The following ZNF236 variants were observed in gnomAD, a reference collection of about 807,000 sequenced individuals.
ZNF236 encodes zinc finger protein 236.
ZNF236 carries 50 observed loss-of-function variants against 191.2 expected under a neutral mutation model. That is an observed-to-expected ratio of 0.26 (90% CI 0.21 to 0.33). The LOEUF is 0.33. Ranked by LOEUF, ZNF236 falls within the 10% of genes least tolerant of loss-of-function variation. ZNF236 has a pLI of 1.00. For synonymous variants in ZNF236, 907 were observed against 928.8 expected (o/e 0.98, Z 0.43); for missense variants, 1,754 against 2,374.5 (o/e 0.74, Z 5.43).
In ZNF236 at chr18:76,877,109, G is replaced by A. The variant is rs554762740; in HGVS notation, c.841-900G>A. On this transcript the variant is annotated intron_variant, in intron 6 of 30. Transcript: ENST00000320610. ...TCATAGTTCTACAGTAACTAACACTGGGTTTTAGTAATAGAGAAAGAATAT... is the reference window on the plus strand; with the variant it reads ...TCATAGTTCTACAGTAACTAACACTAGGTTTTAGTAATAGAGAAAGAATAT... 6.6e-5 allele frequency among the ~76,000 whole-genome samples: 10 copies of A among 152,300 alleles called. No homozygotes were observed. In the South Asian group the frequency reaches 2.1e-3, roughly 32 times the overall value.
At chr18:76,845,993 G>A (rs1975665275) in intron 1 of ZNF236, among the ~76,000 whole-genome samples, 1 of 152,252 alleles carries the variant, frequency 6.6e-6, no homozygotes, top group Non-Finnish European at 1.5e-5. Flanking sequence ...CAATGGAGGT[G>A]TGTGGAGACG....
intron 4 of ZNF236, among the ~76,000 whole-genome samples, chr18:76,870,385 G>C (rs1191279345): frequency 1.3e-5 from 2 of 152,092 alleles, no homozygotes; most frequent in Non-Finnish European, 2.9e-5. Flanking sequence ...AGGCTTTAAT[G>C]CAGGCATTTT....
intron 16 of ZNF236, 108 bp from the exon 17 acceptor site, chr18:76,912,136 G>A (rs1967232613): frequency 1.3e-6 from 1 of 780,880 alleles, no homozygotes; most frequent in Non-Finnish European, 2.1e-6. Context: ...CTCTCTCTTA[G>A]ATCCACATTT....
chr18:76,831,949 C>T (rs759732057), intron 1 of ZNF236, among the ~76,000 whole-genome samples: 4 of 152,094 alleles, frequency 2.6e-5, no homozygotes, highest in African/African-American at 4.8e-5. Flanking sequence ...TTAAAGATAC[C>T]TTCTAATCAA....
chr18:76,968,477 A>G lies in ZNF236; in HGVS notation c.*138A>G. On this transcript the variant is annotated 3_prime_UTR_variant, in exon 31 of 31. Transcript: ENST00000320610. ...TTTTATCTATAAAATTATCTAAAGAATCATTGTCTTTCAGAGACTCATAGG... is the reference window on the plus strand; with the variant it reads ...TTTTATCTATAAAATTATCTAAAGAGTCATTGTCTTTCAGAGACTCATAGG... 1 of 1,439,536 alleles carries G rather than the reference A, an allele frequency of 6.9e-7. No individual in the cohort carries two copies. The highest frequency in any genetic ancestry group is 9.0e-7 in the Non-Finnish European group (1 of 1,109,212). 89.2% of individuals were successfully genotyped at this position (1,439,536 alleles called of 1,614,324 possible). A position where few individuals can be genotyped will look rare whatever the true frequency, so the allele number is the denominator to read the frequency against.
chr18:76,882,575 G>A (rs1190887456), intron 9 of ZNF236, among the ~76,000 whole-genome samples: 1 of 152,110 alleles, frequency 6.6e-6, no homozygotes, highest in East Asian at 1.9e-4. Flanking sequence ...AGTTGTCTTG[G>A]GGAACAAGTG....
chr18:76,900,832 G>A (rs529780825), intron 11 of ZNF236, among the ~76,000 whole-genome samples: 1 of 152,190 alleles, frequency 6.6e-6, no homozygotes, highest in Admixed American at 6.5e-5. Context: ...TGTCATCAGG[G>A]ATTGGTTTTG....
intron 28 of ZNF236, 139 bp from the exon 29 acceptor site, chr18:76,959,547 CT>C: frequency 1.9e-6 from 2 of 1,053,356 alleles, no homozygotes; most frequent in East Asian, 2.7e-5. Context: ...CATTGAAGTC[CT>C]TAAGAACACA....
rs1287076073 is a variant in ZNF236 at position 76,875,799 on chromosome 18, T to TA, written c.840+141dup. 3.1e-6 allele frequency: 3 copies of TA among 963,322 alleles called. No individual in the cohort carries two copies. Among genetic ancestry groups the TA allele is most frequent in the Non-Finnish European group, 4.1e-6 (3 of 729,990 alleles). The allele number at this position is 963,322 out of a possible 1,614,324, so 59.7% of individuals were successfully genotyped here. A position where few individuals can be genotyped will look rare whatever the true frequency, so the allele number is the denominator to read the frequency against. On this transcript the variant is annotated intron_variant, in intron 6 of 30. Transcript: ENST00000320610. The surrounding 1 kb of genome is among the most constrained non-coding windows in gnomAD (Gnocchi z 4.3). ...ATTTTGTGCCGAGCAGACCCTGTTT[T>TA]AAAAAATACATACGTGGGAATTTTT...
At chr18:76,846,508 C>T (rs1416411656) in intron 1 of ZNF236, among the ~76,000 whole-genome samples, 1 of 152,112 alleles carries the variant, frequency 6.6e-6, no homozygotes, top group Non-Finnish European at 1.5e-5. Flanking sequence ...AAAGGTGTGC[C>T]CCTAGGTAGA....
intron 10 of ZNF236, among the ~76,000 whole-genome samples, chr18:76,895,539 A>ACACAGCAATGTG (rs1977379607): frequency 6.6e-6 from 1 of 151,820 alleles, no homozygotes; most frequent in Non-Finnish European, 1.5e-5. Flanking sequence ...ACAGTACCCA[A>ACACAGCAATGTG]CACAGCAATG....
intron 1 of ZNF236, among the ~76,000 whole-genome samples, chr18:76,844,598 AT>A (rs1455646039): frequency 6.6e-6 from 1 of 152,234 alleles, no homozygotes; most frequent in East Asian, 1.9e-4. Context: ...TATATCTCTC[AT>A]TTTAATATGA....
In ZNF236 at chr18:76,910,147, C is replaced by G. The variant is rs367880281; in HGVS notation, c.2631C>G (p.Phe877Leu). ...AGCAGAGCCCTGCGCAACAGTCCTT[C>G]GAACCAGCAGGGCTACCCCAAGGTC... is the stretch of plus-strand genomic sequence containing the variant. ...FEEQSPAQQS[F>L]EPAGLPQGFT... The change falls in exon 15 of 31, where the codon TTC (phenylalanine) becomes TTG (leucine). Residue 877 changes from phenylalanine (F) to leucine (L), a missense_variant. Coordinates refer to ENST00000320610, the MANE Select transcript of ZNF236 (RefSeq NM_001306089.2). 5.6e-6 allele frequency: 9 copies of G among 1,613,014 alleles called. No individual in the cohort carries two copies. The highest frequency in any genetic ancestry group is 1.7e-6 in the Non-Finnish European group (2 of 1,179,086).
At chr18:76,966,289 G>T (rs1219664473) in intron 30 of ZNF236, among the ~76,000 whole-genome samples, 3 of 152,010 alleles carry the variant, frequency 2.0e-5, no homozygotes, top group African/African-American at 7.3e-5. Context: ...TACTTTAATA[G>T]TTAGTGTTTG....
At chr18:76,959,863 C>A in intron 29 of ZNF236, 47 bp downstream of exon 29, 1 of 1,582,732 alleles carries the variant, frequency 6.3e-7, no homozygotes, top group Admixed American at 1.8e-5. Context: ...TTGAAGTAGA[C>A]ATCATGGGTG....
At chr18:76,913,315 A>G (rs1967267191) in intron 17 of ZNF236, among the ~76,000 whole-genome samples, 1 of 152,236 alleles carries the variant, frequency 6.6e-6, no homozygotes, top group African/African-American at 2.4e-5. Flanking sequence ...AAAGGAGTAC[A>G]TGGATTGGCA....
intron 1 of ZNF236, among the ~76,000 whole-genome samples, chr18:76,847,829 T>A (rs1189793377): frequency 2.0e-5 from 3 of 152,220 alleles, no homozygotes; most frequent in Non-Finnish European, 4.4e-5. Flanking sequence ...GCTGTTAGTT[T>A]TAGTGTAGAA....
intron 25 of ZNF236, among the ~76,000 whole-genome samples, chr18:76,928,804 AC>A (rs1158611144): frequency 6.6e-6 from 1 of 151,888 alleles, no homozygotes; most frequent in Non-Finnish European, 1.5e-5. Flanking sequence ...GTGACTCTTA[AC>A]TATAAACTCT....
intron 30 of ZNF236, among the ~76,000 whole-genome samples, chr18:76,961,471 T>C (rs1968666597): frequency 6.6e-6 from 1 of 152,068 alleles, no homozygotes; most frequent in Non-Finnish European, 1.5e-5. Flanking sequence ...TTGGTTTGGT[T>C]CCCTGTTTTT....
Sources: allele counts gnomAD v4.1 joint callset (sites outside exome capture counted in the v4.1 genomes callset), GRCh38; gene constraint gnomAD v4.1.1; non-coding constraint Gnocchi (gnomAD v3.1); transcripts MANE v1.5; gene names NCBI Gene and HGNC (gene_info 2026-07-23, HGNC 2026-07-21).